TAS2R1: variants seen among roughly 807,000 people sequenced by gnomAD.
TAS2R1 encodes the protein taste 2 receptor member 1.
For synonymous variants in TAS2R1, 141 were observed against 134.2 expected, an observed-to-expected ratio of 1.05 and a Z score of -0.35; for missense variants, 370 against 353.4, an observed-to-expected ratio of 1.05 and a Z score of -0.38.
chr5:9,779,417 A>C, the TAS2R1 span, among the ~76,000 whole-genome samples: 1 of 152,312 alleles, frequency 6.6e-6, no homozygotes, highest in South Asian at 2.1e-4. Context: ...AGAATAACAC[A>C]CTTCCTCACC....
chr5:9,710,456 G>C (rs1056648731), intron 1 of TAS2R1, among the ~76,000 whole-genome samples: 5 of 152,156 alleles, frequency 3.3e-5, no homozygotes, highest in Admixed American at 1.3e-4. Flanking sequence ...TTATGTCTGA[G>C]ACATAGTTTT....
chr5:9,880,347 A>C, the TAS2R1 span, among the ~76,000 whole-genome samples: 1 of 152,202 alleles, frequency 6.6e-6, no homozygotes, highest in Non-Finnish European at 1.5e-5. Flanking sequence ...ACTATGGTAC[A>C]TCAGAAGGAG....
the TAS2R1 span, among the ~76,000 whole-genome samples, chr5:9,849,686 C>T: frequency 1.2e-4 from 18 of 152,178 alleles, no homozygotes; most frequent in African/African-American, 4.3e-4. Flanking sequence ...ATGTATCTCA[C>T]CTCCTAGGTG....
upstream of TAS2R1, among the ~76,000 whole-genome samples, chr5:9,632,545 G>A (rs1739889764): frequency 6.6e-6 from 1 of 152,180 alleles, no homozygotes; most frequent in East Asian, 1.9e-4. Flanking sequence ...TTCAAAACTG[G>A]AGTCAGTCCT....
At chr5:9,903,593 A>C in the TAS2R1 span, 1 of 151,972 alleles carries the variant, frequency 6.6e-6, no homozygotes, top group Non-Finnish European at 1.5e-5. Context: ...TCCATTTCCG[A>C]GTTACTTCAC....
chr5:9,794,132 T>C, the TAS2R1 span, among the ~76,000 whole-genome samples: 2 of 152,218 alleles, frequency 1.3e-5, no homozygotes, highest in African/African-American at 4.8e-5. Context: ...GTCATTTAAG[T>C]CATTTGAAAC....
the TAS2R1 span, among the ~76,000 whole-genome samples, chr5:9,760,613 T>C: frequency 1.3e-5 from 2 of 152,194 alleles, no homozygotes; most frequent in African/African-American, 4.8e-5. Context: ...TCAATGGATG[T>C]AGAAAAACCA....
chr5:9,633,633 T>A (rs966046856), upstream of TAS2R1, among the ~76,000 whole-genome samples: 9 of 152,206 alleles, frequency 5.9e-5, no homozygotes, highest in Middle Eastern at 3.4e-3. Context: ...GTTTTAATTG[T>A]GGCCATTCTT....
At chr5:9,741,962 C>A in the TAS2R1 span, among the ~76,000 whole-genome samples, 1 of 152,270 alleles carries the variant, frequency 6.6e-6, no homozygotes, top group South Asian at 2.1e-4. Flanking sequence ...ATGGCACAAT[C>A]TCGGCTCACC....
the TAS2R1 span, among the ~76,000 whole-genome samples, chr5:9,744,053 A>G: frequency 1.0e-3 from 152 of 152,328 alleles, 1 homozygote; most frequent in African/African-American, 3.6e-3. Flanking sequence ...AATATGTTAG[A>G]CCAGATCACT....
At chr5:9,774,520 C>T in the TAS2R1 span, among the ~76,000 whole-genome samples, 1 of 152,348 alleles carries the variant, frequency 6.6e-6, no homozygotes, top group African/African-American at 2.4e-5. Flanking sequence ...AAGAGCTTGG[C>T]ATTTATTGTA....
chr5:9,805,977 T>G, the TAS2R1 span, among the ~76,000 whole-genome samples: 1 of 152,146 alleles, frequency 6.6e-6, no homozygotes, highest in East Asian at 1.9e-4. Context: ...GCTGACGACA[T>G]GATTCTATAT....
the TAS2R1 span, among the ~76,000 whole-genome samples, chr5:9,721,964 T>A: frequency 6.6e-6 from 1 of 152,222 alleles, no homozygotes; most frequent in African/African-American, 2.4e-5. Flanking sequence ...CAAGAAACCC[T>A]ACCTCCTTAT....
chr5:9,699,318 C>A (rs573668636), intron 1 of TAS2R1, among the ~76,000 whole-genome samples: 1 of 152,326 alleles, frequency 6.6e-6, no homozygotes, highest in Non-Finnish European at 1.5e-5. Context: ...GCTGAGCATT[C>A]GCGAATTGAA....
intron 1 of TAS2R1, among the ~76,000 whole-genome samples, chr5:9,665,147 T>A (rs1740606455): frequency 6.6e-6 from 1 of 152,182 alleles, no homozygotes; most frequent in East Asian, 1.9e-4. Context: ...TTGGCAGAAT[T>A]CAACAGTGGT....
At chr5:9,741,403 C>T in the TAS2R1 span, among the ~76,000 whole-genome samples, 1 of 152,176 alleles carries the variant, frequency 6.6e-6, no homozygotes, top group Non-Finnish European at 1.5e-5. Flanking sequence ...TTTTCAAGTG[C>T]TTGACAGTCA....
At chr5:9,730,371 AC>A in the TAS2R1 span, among the ~76,000 whole-genome samples, 1 of 152,218 alleles carries the variant, frequency 6.6e-6, no homozygotes, top group Non-Finnish European at 1.5e-5. Context: ...AAGAAAATGG[AC>A]CCAAAAGCCT....
At chr5:9,736,570 A>G in the TAS2R1 span, among the ~76,000 whole-genome samples, 2 of 152,118 alleles carry the variant, frequency 1.3e-5, no homozygotes, top group Non-Finnish European at 2.9e-5. Context: ...ACGGTGGTAA[A>G]TTGCTTGGTG....
upstream of TAS2R1, among the ~76,000 whole-genome samples, chr5:9,717,021 C>T (rs1230746642): frequency 6.6e-6 from 1 of 152,192 alleles, no homozygotes; most frequent in Non-Finnish European, 1.5e-5. Flanking sequence ...TCACCACCTA[C>T]TCATAGCTGC....
Sources: gnomAD v4.1 joint callset for allele counts (sites outside exome capture counted in the v4.1 genomes callset) on GRCh38, gnomAD v4.1.1 for gene constraint, MANE v1.5 for transcripts, NCBI Gene and HGNC (gene_info 2026-07-23, HGNC 2026-07-21) for gene names.